AQP3: variants seen among roughly 807,000 people sequenced by gnomAD.
The protein encoded by AQP3 is aquaporin-3.
Under a neutral mutation model 30.3 loss-of-function variants are expected in AQP3, and 15 were observed. The ratio of observed to expected loss-of-function variants is 0.49; its 90% CI spans 0.33 to 0.76. The LOEUF is 0.76. AQP3 is among the 30% of genes least tolerant of loss of function. The pLI is 0.02. For missense variants in AQP3, 272 were observed against 384.8 expected (o/e 0.71, Z 2.45); for synonymous variants, 153 against 163.2 (o/e 0.94, Z 0.47).
In AQP3 at chr9:33,441,838, C is replaced by T; in HGVS notation, c.*205G>A. 3 of 800,926 alleles carry T rather than the reference C, an allele frequency of 3.7e-6. No homozygotes were observed. The highest frequency in any genetic ancestry group is 6.0e-6 in the Non-Finnish European group (3 of 499,112). The allele number at this position is 800,926 out of a possible 1,614,324, so 49.6% of individuals were successfully genotyped here. A position where few individuals can be genotyped will look rare whatever the true frequency, so the allele number is the denominator to read the frequency against. ...TATTGACCCAAATTCCGGTTCCACC[C>T]CAGCTTAGGGGCAGTGGCCTAAGGT... On this transcript the variant is annotated 3_prime_UTR_variant, in exon 6 of 6. Transcript: ENST00000297991.
intron 1 of AQP3, among the ~76,000 whole-genome samples, chr9:33,445,278 A>C (rs1490354117): frequency 6.6e-6 from 1 of 152,070 alleles, no homozygotes; most frequent in Non-Finnish European, 1.5e-5. Context: ...CTCCTCTCCC[A>C]CCTGCCCATA....
intron 1 of AQP3, among the ~76,000 whole-genome samples, chr9:33,444,483 C>G (rs1826887306): frequency 6.6e-6 from 1 of 151,996 alleles, no homozygotes; most frequent in Admixed American, 6.6e-5. Context: ...GCCTGTAATC[C>G]CAGCTACTCG....
chr9:33,441,849 G>T lies in AQP3; in HGVS notation c.*194C>A. The T allele has an allele frequency of 1.2e-6, 1 of 857,590 alleles. No homozygotes were observed. Among genetic ancestry groups the T allele is most frequent in the Non-Finnish European group, 1.8e-6 (1 of 548,354 alleles). The allele number at this position is 857,590 out of a possible 1,614,324, so 53.1% of individuals were successfully genotyped here. On this transcript the variant is annotated 3_prime_UTR_variant, in exon 6 of 6. Coordinates refer to ENST00000297991, the MANE Select transcript of AQP3 (RefSeq NM_004925.5). ...ATTCCGGTTCCACCCCAGCTTAGGG[G>T]CAGTGGCCTAAGGTGCTATTTGGGC...
chr9:33,443,179 C>T lies in AQP3; in HGVS notation c.373+142G>A. On this transcript the variant is annotated intron_variant, in intron 3 of 5. Coordinates refer to ENST00000297991, the MANE Select transcript of AQP3 (RefSeq NM_004925.5). This position sits in a 1 kb window ranked among gnomAD's most constrained non-coding sequence, Gnocchi z 5.0. ...GTTTCTTTCCCTTCGTGCCCCCTAC[C>T]TTGACCCTGTGCGTGAATGAGTGAG... 7.5e-7 allele frequency: 1 copy of T among 1,337,944 alleles called. No homozygotes were observed. The highest frequency in any genetic ancestry group is 1.0e-6 in the Non-Finnish European group (1 of 959,600). 82.9% of individuals were successfully genotyped at this position (1,337,944 alleles called of 1,614,324 possible). A position where few individuals can be genotyped will look rare whatever the true frequency, so the allele number is the denominator to read the frequency against.
Position 33,442,930 on chromosome 9 carries a change from C to T in AQP3, c.414G>A (p.Ser138=), listed in dbSNP as rs1334511730. The stretch of plus-strand genomic sequence containing the variant: ...AGATGCCGGCTGTGCCATTGGGGCC[C>T]GAAACAAAAAGCTGGTTGTCGGCGA... ...WHFADNQLFV[S]GPNGTAGIFA... Residue 138 remains serine (S), a synonymous_variant, in exon 4 of 6, where the codon TCG becomes TCA. Coordinates refer to ENST00000297991, the MANE Select transcript of AQP3 (RefSeq NM_004925.5). 6.2e-7 allele frequency: 1 copy of T among 1,614,130 alleles called. No individual in the cohort carries two copies. Among genetic ancestry groups the T allele is most frequent in the Non-Finnish European group, 8.5e-7 (1 of 1,180,012 alleles).
chr9:33,443,661 GGGCCAAAGCAGA>G lies in AQP3; in HGVS notation c.235+93_235+104del. 6.4e-7 allele frequency: 1 copy of G among 1,566,470 alleles called. No homozygotes were observed. The stretch of plus-strand genomic sequence containing the variant: ...TTCTTCTCCACCCTCCTTTCCCAAG[GGGCCAAAGCAGA>G]GGCCACAGCTGTGACCTGCCCTTAG... On this transcript the variant is annotated intron_variant, in intron 2 of 5. Transcript: ENST00000297991. The surrounding 1 kb of genome is among the most constrained non-coding windows in gnomAD (Gnocchi z 5.0).
chr9:33,443,186 C>CTG lies in AQP3; in HGVS notation c.373+133_373+134dup. ...TCCCTTCGTGCCCCCTACCTTGACC[C>CTG]TGTGCGTGAATGAGTGAGTCATGAG... is the stretch of plus-strand genomic sequence containing the variant. On this transcript the variant is annotated intron_variant, in intron 3 of 5. Transcript: ENST00000297991. The surrounding 1 kb of genome is among the most constrained non-coding windows in gnomAD (Gnocchi z 5.0). 7.4e-7 allele frequency: 1 copy of CTG among 1,359,110 alleles called. No homozygotes were observed. Among genetic ancestry groups the CTG allele is most frequent in the Non-Finnish European group, 1.0e-6 (1 of 977,566 alleles). 84.2% of individuals were successfully genotyped at this position (1,359,110 alleles called of 1,614,324 possible).
chr9:33,443,158 C>A lies in AQP3; in HGVS notation c.373+163G>T. Reference sequence around the variant, plus strand: ...GACTCTGTTATTGCCCAACTTGTTTCTTTCCCTTCGTGCCCCCTACCTTGA... The same window carrying A: ...GACTCTGTTATTGCCCAACTTGTTTATTTCCCTTCGTGCCCCCTACCTTGA... On this transcript the variant is annotated intron_variant, in intron 3 of 5. Coordinates refer to ENST00000297991, the MANE Select transcript of AQP3 (RefSeq NM_004925.5). This position sits in a 1 kb window ranked among gnomAD's most constrained non-coding sequence, Gnocchi z 5.0. The A allele has an allele frequency of 8.2e-7, 1 of 1,218,404 alleles. No homozygotes were observed. 75.5% of individuals were successfully genotyped at this position (1,218,404 alleles called of 1,614,324 possible).
In AQP3 at chr9:33,443,920, G is replaced by A. The variant is rs1262731340; in HGVS notation, c.109-28C>T. 3 of 1,608,934 alleles carry A rather than the reference G, an allele frequency of 1.9e-6. No individual in the cohort carries two copies. The highest frequency in any genetic ancestry group is 4.5e-5 in the East Asian group (2 of 44,760). ...GTCAGGAAGAAGAACAGGCAGGGAG[G>A]GTGAGGACCAGCAACTCTCACTCCA... On this transcript the variant is annotated intron_variant, in intron 1 of 5. Coordinates refer to ENST00000297991, the MANE Select transcript of AQP3 (RefSeq NM_004925.5). The surrounding 1 kb of genome is among the most constrained non-coding windows in gnomAD (Gnocchi z 5.0).
At position 33,443,169 on chromosome 9, in the gene AQP3, T is replaced by G; in HGVS notation, c.373+152A>C. The G allele has an allele frequency of 7.9e-7, 1 of 1,265,972 alleles. No individual in the cohort carries two copies. The highest frequency in any genetic ancestry group is 1.1e-6 in the Non-Finnish European group (1 of 897,106). The allele number at this position is 1,265,972 out of a possible 1,614,324, so 78.4% of individuals were successfully genotyped here. A position where few individuals can be genotyped will look rare whatever the true frequency, so the allele number is the denominator to read the frequency against. On this transcript the variant is annotated intron_variant, in intron 3 of 5. Transcript: ENST00000297991. The surrounding 1 kb of genome is among the most constrained non-coding windows in gnomAD (Gnocchi z 5.0). Reference sequence around the variant, plus strand: ...TGCCCAACTTGTTTCTTTCCCTTCGTGCCCCCTACCTTGACCCTGTGCGTG... The same window carrying G: ...TGCCCAACTTGTTTCTTTCCCTTCGGGCCCCCTACCTTGACCCTGTGCGTG...
rs746452381 is a variant in AQP3 at position 33,442,814 on chromosome 9, C to T, written c.492+38G>A. ...CATGAGCTACCAAGGCAACTCGGTC[C>T]CCTCCCTGCGTTCCCCTCACACGTC... On this transcript the variant is annotated intron_variant, in intron 4 of 5. Coordinates refer to ENST00000297991, the MANE Select transcript of AQP3 (RefSeq NM_004925.5). 1.9e-6 allele frequency: 3 copies of T among 1,587,754 alleles called. No homozygotes were observed. In the South Asian group the frequency reaches 3.3e-5, roughly 18 times the overall value.
At chr9:33,444,850 C>G (rs1826893145) in intron 1 of AQP3, among the ~76,000 whole-genome samples, 1 of 152,114 alleles carries the variant, frequency 6.6e-6, no homozygotes, top group African/African-American at 2.4e-5. Context: ...ATTCCCCACT[C>G]AGATTTGGAG....
In AQP3 at chr9:33,443,688, C is replaced by T. The variant is rs746128247; in HGVS notation, c.235+78G>A. ...GCCAAAGCAGAGGCCACAGCTGTGA[C>T]CTGCCCTTAGGAATGCCAGGACACC... On this transcript the variant is annotated intron_variant, in intron 2 of 5. Coordinates refer to ENST00000297991, the MANE Select transcript of AQP3 (RefSeq NM_004925.5). The surrounding 1 kb of genome is among the most constrained non-coding windows in gnomAD (Gnocchi z 5.0). 4 of 1,605,158 alleles carry T rather than the reference C, an allele frequency of 2.5e-6. No homozygotes were observed. The East Asian group carries it at 6.7e-5, about 27-fold the overall frequency.
rs868349405 is a variant in AQP3, at chr9:33,442,094, G to A, written c.828C>T (p.Asn276=). ...GCHLEQPPPS[N]EEENVKLAHV... The stretch of plus-strand genomic sequence containing the variant: ...GGGCCAGCTTCACATTCTCTTCCTC[G>A]TTGGAGGGTGGGGGCTGCTCCAGGT... The change falls in exon 6 of 6, where the codon AAC becomes AAT. Residue 276 remains asparagine (N), a synonymous_variant. Coordinates refer to ENST00000297991, the MANE Select transcript of AQP3 (RefSeq NM_004925.5). The A allele has an allele frequency of 5.6e-6, 9 of 1,613,778 alleles. No homozygotes were observed. Among genetic ancestry groups the A allele is most frequent in the African/African-American group, 2.7e-5 (2 of 74,932 alleles).
intron 1 of AQP3, among the ~76,000 whole-genome samples, chr9:33,447,000 G>T (rs1826922557): frequency 6.6e-6 from 1 of 152,162 alleles, no homozygotes; most frequent in Admixed American, 6.5e-5. Flanking sequence ...AGACACCCAG[G>T]ACCCAAATAA....
Position 33,442,020 on chromosome 9 carries a change from G to A in AQP3, c.*23C>T. 6.2e-7 allele frequency: 1 copy of A among 1,610,984 alleles called. No homozygotes were observed. Among genetic ancestry groups the A allele is most frequent in the Non-Finnish European group, 8.5e-7 (1 of 1,178,380 alleles). Reference sequence around the variant, plus strand: ...GGATGCTCAAGGCCAGGGCAGCGGAGTGGGGAGATGGCCCCTGCCCACTCA... The same window carrying A: ...GGATGCTCAAGGCCAGGGCAGCGGAATGGGGAGATGGCCCCTGCCCACTCA... On this transcript the variant is annotated 3_prime_UTR_variant, in exon 6 of 6. Transcript: ENST00000297991.
chr9:33,446,769 A>G (rs1826919258), intron 1 of AQP3, among the ~76,000 whole-genome samples: 1 of 152,198 alleles, frequency 6.6e-6, no homozygotes, highest in African/African-American at 2.4e-5. Flanking sequence ...GATAACAGAC[A>G]GGGCCTGGGA....
At position 33,441,658 on chromosome 9, in the gene AQP3, T is replaced by C. The variant is rs1272240665; in HGVS notation, c.*385A>G. 2.5e-6 allele frequency: 1 copy of C among 393,552 alleles called. No individual in the cohort carries two copies. Among genetic ancestry groups the C allele is most frequent in the African/African-American group, 2.0e-5 (1 of 49,096 alleles). The allele number at this position is 393,552 out of a possible 1,614,324, so 24.4% of individuals were successfully genotyped here. A position where few individuals can be genotyped will look rare whatever the true frequency, so the allele number is the denominator to read the frequency against. Reference sequence around the variant, plus strand: ...TTCCCCTGTCTCTGGGCTCCCCCAATAGCCAGAATCCCTTCCGACTGGTCC... The same window carrying C: ...TTCCCCTGTCTCTGGGCTCCCCCAACAGCCAGAATCCCTTCCGACTGGTCC... On this transcript the variant is annotated 3_prime_UTR_variant, in exon 6 of 6. Coordinates refer to ENST00000297991, the MANE Select transcript of AQP3 (RefSeq NM_004925.5).
chr9:33,447,322 G>T, intron 1 of AQP3, 101 bp downstream of exon 1: 1 of 1,054,512 alleles, frequency 9.5e-7, no homozygotes, highest in Non-Finnish European at 1.4e-6. Context: ...TGGGGAGGTG[G>T]GTCCAGGCTA....
Sources: allele counts gnomAD v4.1 joint callset (sites outside exome capture counted in the v4.1 genomes callset), GRCh38; gene constraint gnomAD v4.1.1; non-coding constraint Gnocchi (gnomAD v3.1); transcripts MANE v1.5; gene names NCBI Gene and HGNC (gene_info 2026-07-23, HGNC 2026-07-21).